Variants in ZFTA observed in about 807,000 individuals in gnomAD.
ZFTA encodes the protein zinc finger translocation-associated protein.
Under a neutral mutation model 41.8 loss-of-function variants are expected in ZFTA, and 35 were observed. The observed-to-expected ratio is 0.84, with a 90% confidence interval of 0.64 to 1.11. The LOEUF (loss-of-function observed/expected upper bound fraction) is 1.11. ZFTA is among the 50% of genes most tolerant of loss of function. The probability of loss-of-function intolerance (pLI) is 0.00; values close to 1 mark genes in which losing one functional copy is unlikely to be tolerated. For missense variants in ZFTA, 964 were observed against 989.8 expected (o/e 0.97, Z 0.35); for synonymous variants, 514 against 436.4 (o/e 1.18, Z -2.22).
intron 1 of ZFTA, 136 bp downstream of exon 1, chr11:63,768,348 G>A: frequency 2.5e-6 from 1 of 399,842 alleles, no homozygotes; most frequent in East Asian, 1.3e-4. Flanking sequence ...GCCGCGCTCC[G>A]CGCCCACCAG....
chr11:63,767,124 G>T (rs61928237), intron 1 of ZFTA, among the ~76,000 whole-genome samples: 16,515 of 152,206 alleles, frequency 0.11, 1,022 homozygotes, highest in South Asian at 0.16. Flanking sequence ...AGTCAGAAGG[G>T]CGGGCACTGG....
At position 63,760,842 on chromosome 11, in the gene ZFTA, T is replaced by C. The variant is rs2014614818; in HGVS notation, c.*2576A>G. 6.6e-6 allele frequency: 1 copy of C among 152,234 alleles called. No homozygotes were observed. Among genetic ancestry groups the C allele is most frequent in the Non-Finnish European group, 1.5e-5 (1 of 68,060 alleles). 9.4% of individuals were successfully genotyped at this position (152,234 alleles called of 1,614,324 possible). A position where few individuals can be genotyped will look rare whatever the true frequency, so the allele number is the denominator to read the frequency against. ...TGGGGTATGGCCCAAGAATTTTTAT[T>C]TCTAGCAGATTCCTAAGGTGATGCT... On this transcript the variant is annotated 3_prime_UTR_variant, in exon 5 of 5. Transcript: ENST00000433688.
chr11:63,768,414 G>T, intron 1 of ZFTA, 70 bp downstream of exon 1: 1 of 964,784 alleles, frequency 1.0e-6, no homozygotes, highest in Non-Finnish European at 1.3e-6. Context: ...GGCGGAGAGG[G>T]GCCCCGAGCC....
Position 63,763,569 on chromosome 11 carries a change from A to G in ZFTA, c.1886T>C (p.Met629Thr). ...RHILQVHPFS[M>T]DFTPEERQTI... ...CTGGCGCTCCTCAGGCGTGAAGTCC[A>G]TGGAGAAGGGGTGCACCTGCAGGAT... Residue 629 changes from methionine to threonine, a missense_variant, in exon 5 of 5, where the codon ATG becomes ACG. Met to Thr is a moderately conservative substitution (Grantham distance 81). Transcript: ENST00000433688. The G allele has an allele frequency of 6.5e-7, 1 of 1,548,194 alleles. No individual in the cohort carries two copies.
rs770552109 is a variant in ZFTA at position 63,765,129 on chromosome 11, G to A, written c.763C>T (p.Arg255Cys). The change falls in exon 3 of 5, where the codon CGC becomes TGC. Residue 255 changes from arginine (R) to cysteine (C), a missense_variant. Coordinates refer to ENST00000433688, the MANE Select transcript of ZFTA (RefSeq NM_001144936.2). The surrounding 1 kb of genome is among the most constrained non-coding windows in gnomAD (Gnocchi z 4.0). ...AGGSRGLGAR[R>C]LERRLKESLQ... is the part of the protein sequence containing the mutation. ...GACTCCTTCAGCCTCCTCTCCAGGC[G>A]CCGGGCCCCCAGCCCCCTGCTGCCC... 1.3e-4 allele frequency: 194 copies of A among 1,547,336 alleles called. No individual in the cohort carries two copies. The highest frequency in any genetic ancestry group is 1.1e-4 in the Non-Finnish European group (122 of 1,146,124).
chr11:63,764,940 G>A lies in ZFTA; in HGVS notation c.952C>T (p.Gln318Ter). ...CAGGCCTGCAGCAGGGCACTGCGCT[G>A]GGGGCCGCTGAGCCCCAGGGAGCCA... ...HPGSLGLSGPQRSALLQAWGG... is the reference protein window; with the variant it reads ...HPGSLGLSGP The change falls in exon 3 of 5, where the codon CAG (glutamine) becomes TAG (stop). Residue 318 changes from glutamine to a stop codon, truncating the protein, a stop_gained. Transcript: ENST00000433688. LOFTEE classifies it high-confidence loss of function. 6.5e-7 allele frequency: 1 copy of A among 1,546,980 alleles called. No homozygotes were observed. Among genetic ancestry groups the A allele is most frequent in the Non-Finnish European group, 8.7e-7 (1 of 1,146,242 alleles).
chr11:63,763,387 A>G lies in ZFTA; in HGVS notation c.*31T>C. The G allele has an allele frequency of 1.6e-6, 2 of 1,254,518 alleles. No homozygotes were observed. The highest frequency in any genetic ancestry group is 2.0e-6 in the Non-Finnish European group (2 of 995,472). The allele number at this position is 1,254,518 out of a possible 1,614,324, so 77.7% of individuals were successfully genotyped here. A position where few individuals can be genotyped will look rare whatever the true frequency, so the allele number is the denominator to read the frequency against. ...GGCGGGGCGGGGCCGATCCGACCCG[A>G]CCCGACCTGACCCGGGGGCCCGCTA... On this transcript the variant is annotated 3_prime_UTR_variant, in exon 5 of 5. Coordinates refer to ENST00000433688, the MANE Select transcript of ZFTA (RefSeq NM_001144936.2).
Position 63,764,507 on chromosome 11 carries a change from T to A in ZFTA, c.1116A>T (p.Pro372=). The A allele has an allele frequency of 8.0e-7, 1 of 1,257,166 alleles. No individual in the cohort carries two copies. The highest frequency in any genetic ancestry group is 3.8e-5 in the South Asian group (1 of 26,430). 77.9% of individuals were successfully genotyped at this position (1,257,166 alleles called of 1,614,324 possible). ...CCCAGCCAGCCTCTTCCTTTACGTC[T>A]GGGGGGCTGAGATCCTGAGAGGAGG... is the stretch of plus-strand genomic sequence containing the variant. ...GAPSSQDLSP[P]DVKEEAGWVP... is the part of the protein sequence containing the mutation. The change falls in exon 4 of 5, where the codon CCA becomes CCT. Residue 372 remains proline, a synonymous_variant. Transcript: ENST00000433688.
chr11:63,765,218 C>A lies in ZFTA; in HGVS notation c.674G>T (p.Arg225Leu). The change falls in exon 3 of 5, where the codon CGG becomes CTG. Residue 225 changes from arginine (R) to leucine (L), a missense_variant. Coordinates refer to ENST00000433688, the MANE Select transcript of ZFTA (RefSeq NM_001144936.2). This position sits in a 1 kb window ranked among gnomAD's most constrained non-coding sequence, Gnocchi z 4.0. Reference sequence around the variant, plus strand: ...CCGGGGTGCCACTGGGCCCCCTCGCCGCTGGCGCCGGCAGCCCCCACCAGC... The same window carrying A: ...CCGGGGTGCCACTGGGCCCCCTCGCAGCTGGCGCCGGCAGCCCCCACCAGC... Reference protein sequence around the residue: ...APAGGGCRRQRRGGPVAPRAR... With the variant: ...APAGGGCRRQLRGGPVAPRAR... The A allele has an allele frequency of 6.8e-7, 1 of 1,465,182 alleles. No individual in the cohort carries two copies. The highest frequency in any genetic ancestry group is 1.4e-5 in the African/African-American group (1 of 68,984). 90.8% of individuals were successfully genotyped at this position (1,465,182 alleles called of 1,614,324 possible).
Sources: gnomAD v4.1 joint callset for allele counts (sites outside exome capture counted in the v4.1 genomes callset) on GRCh38, gnomAD v4.1.1 for gene constraint, Gnocchi (gnomAD v3.1) non-coding constraint, MANE v1.5 for transcripts, NCBI Gene and HGNC (gene_info 2026-07-23, HGNC 2026-07-21) for gene names.